The following DNM3 variants were observed in gnomAD, a reference collection of about 807,000 sequenced individuals.
The protein encoded by DNM3 is dynamin-3.
In DNM3, 47 loss-of-function variants were observed where a neutral mutation model predicts 101.6. The observed-to-expected ratio is 0.46, with a 90% CI of 0.37 to 0.59. The LOEUF (loss-of-function observed/expected upper bound fraction) is 0.59. Among genes scored for constraint, DNM3 ranks in the 20% least tolerant of loss-of-function variants. The probability of loss-of-function intolerance (pLI) is 0.00; values close to 1 mark genes in which losing one functional copy is unlikely to be tolerated. For synonymous variants in DNM3, 385 were observed against 387.9 expected, an observed-to-expected ratio of 0.99 and a Z score of 0.09; for missense variants, 849 against 1,085.7, an observed-to-expected ratio of 0.78 and a Z score of 3.06.
In DNM3 at chr1:172,408,576, G is replaced by A; in HGVS notation, c.*735G>A. 1.0e-6 allele frequency: 1 copy of A among 985,180 alleles called. No homozygotes were observed. Among genetic ancestry groups the A allele is most frequent in the Non-Finnish European group, 1.2e-6 (1 of 829,748 alleles). 61.0% of individuals were successfully genotyped at this position (985,180 alleles called of 1,614,324 possible). ...ATTAGTTTCAGAGTTCAAGGAAGAA[G>A]CAAAATATCACATCTCTAGAAGTGT... is the stretch of plus-strand genomic sequence containing the variant. On this transcript the variant is annotated 3_prime_UTR_variant, in exon 21 of 21. Transcript: ENST00000627582.
intron 16 of DNM3, among the ~76,000 whole-genome samples, chr1:172,320,585 T>C (rs555313494): frequency 2.6e-5 from 4 of 152,186 alleles, no homozygotes; most frequent in Admixed American, 2.6e-4. Context: ...AACAATAATA[T>C]TTTTATTATT....
chr1:171,847,220 T>G (rs893274383), intron 1 of DNM3, among the ~76,000 whole-genome samples: 1 of 152,214 alleles, frequency 6.6e-6, no homozygotes, highest in Non-Finnish European at 1.5e-5. Flanking sequence ...ATGAAGGTAG[T>G]CAGATATAAT....
intron 4 of DNM3, among the ~76,000 whole-genome samples, chr1:172,021,144 A>C (rs1358770097): frequency 6.6e-6 from 1 of 152,184 alleles, no homozygotes; most frequent in Non-Finnish European, 1.5e-5. Flanking sequence ...TACATGCCAG[A>C]TAGGAGTCCT....
At chr1:172,009,912 C>G (rs2046999268) in intron 4 of DNM3, among the ~76,000 whole-genome samples, 2 of 151,412 alleles carry the variant, frequency 1.3e-5, no homozygotes, top group Non-Finnish European at 3.0e-5. Flanking sequence ...TTTACTTGTT[C>G]TTTGAATTAC....
At chr1:172,066,407 G>C (rs1390587215) in intron 10 of DNM3, among the ~76,000 whole-genome samples, 1 of 152,124 alleles carries the variant, frequency 6.6e-6, no homozygotes, top group Non-Finnish European at 1.5e-5. Flanking sequence ...GCTGGTGCAG[G>C]GTATCAATCA....
intron 17 of DNM3, among the ~76,000 whole-genome samples, chr1:172,354,146 A>AGAGAGAGAGAGAGAGAGAGAGAG (rs1553242910): frequency 6.6e-6 from 1 of 150,914 alleles, no homozygotes; most frequent in African/African-American, 2.4e-5. Flanking sequence ...AGAGAGAAAT[A>AGAGAGAGAGAGAGAGAGAGAGAG]AGACATTTTT....
At chr1:172,146,685 A>C (rs899720330) in intron 14 of DNM3, among the ~76,000 whole-genome samples, 1 of 152,166 alleles carries the variant, frequency 6.6e-6, no homozygotes, top group Non-Finnish European at 1.5e-5. Flanking sequence ...ACTCACATGA[A>C]GTCCTCATAG....
intron 13 of DNM3, among the ~76,000 whole-genome samples, chr1:172,120,796 T>C (rs1427394096): frequency 6.6e-6 from 1 of 152,218 alleles, no homozygotes; most frequent in Non-Finnish European, 1.5e-5. Context: ...TGAGACTTTG[T>C]TTAGTGCCTA....
intron 15 of DNM3, among the ~76,000 whole-genome samples, chr1:172,267,809 T>C (rs577967136): frequency 6.6e-6 from 1 of 152,056 alleles, no homozygotes; most frequent in African/African-American, 2.4e-5. Flanking sequence ...GCCTCCCGGG[T>C]TCACACCATT....
intron 2 of DNM3, among the ~76,000 whole-genome samples, chr1:171,962,859 T>A (rs1343700387): frequency 6.6e-6 from 1 of 152,158 alleles, no homozygotes. Flanking sequence ...CCTATCAGAA[T>A]GGTGAAAACC....
At chr1:172,035,852 G>A (rs1226900337) in intron 6 of DNM3, among the ~76,000 whole-genome samples, 5 of 151,594 alleles carry the variant, frequency 3.3e-5, no homozygotes, top group African/African-American at 1.2e-4. Flanking sequence ...CAAGCAAGGG[G>A]GTAATACAGT....
chr1:171,898,482 T>C (rs1214855477), intron 1 of DNM3, among the ~76,000 whole-genome samples: 3 of 152,126 alleles, frequency 2.0e-5, no homozygotes, highest in Admixed American at 2.0e-4. Flanking sequence ...AATCGAGAGA[T>C]TATTTCATTT....
chr1:172,326,087 C>G (rs2065926277), intron 17 of DNM3, among the ~76,000 whole-genome samples: 1 of 152,172 alleles, frequency 6.6e-6, no homozygotes, highest in African/African-American at 2.4e-5. Context: ...TCCAAGAAAA[C>G]TAACTTCTAC....
intron 15 of DNM3, among the ~76,000 whole-genome samples, chr1:172,298,999 A>G (rs1010382100): frequency 1.4e-4 from 22 of 152,108 alleles, no homozygotes; most frequent in African/African-American, 5.1e-4. Flanking sequence ...AAGGGGAAAA[A>G]TGTATGACAG....
At chr1:172,078,640 T>C (rs189711178) in intron 11 of DNM3, among the ~76,000 whole-genome samples, 33 of 152,332 alleles carry the variant, frequency 2.2e-4, no homozygotes, top group Middle Eastern at 3.4e-3. Flanking sequence ...TTAATATTGT[T>C]ATGTGTGAAT....
chr1:172,391,055 C>T (rs2069496987), intron 20 of DNM3, among the ~76,000 whole-genome samples: 1 of 152,116 alleles, frequency 6.6e-6, no homozygotes, highest in African/African-American at 2.4e-5. Flanking sequence ...ACAAGGCAGC[C>T]GGATGAGAAT....
chr1:172,167,369 A>G (rs943715706), intron 14 of DNM3, among the ~76,000 whole-genome samples: 1 of 151,964 alleles, frequency 6.6e-6, no homozygotes, highest in African/African-American at 2.4e-5. Context: ...GAATAGTGCC[A>G]CCATAAACAT....
intron 4 of DNM3, among the ~76,000 whole-genome samples, chr1:171,997,618 A>G (rs774451560): frequency 3.9e-5 from 6 of 152,152 alleles, no homozygotes; most frequent in Non-Finnish European, 8.8e-5. Context: ...GTGCTCATAT[A>G]CACTAACAAT....
chr1:172,218,597 A>G (rs889740060), intron 14 of DNM3, among the ~76,000 whole-genome samples: 5 of 152,132 alleles, frequency 3.3e-5, no homozygotes, highest in African/African-American at 1.2e-4. Context: ...GGTATATGAT[A>G]TATACAAAAT....
Sources: gnomAD v4.1 joint callset for allele counts (sites outside exome capture counted in the v4.1 genomes callset) on GRCh38, gnomAD v4.1.1 for gene constraint, MANE v1.5 for transcripts, NCBI Gene and HGNC (gene_info 2026-07-23, HGNC 2026-07-21) for gene names.